EXT1: variants seen among roughly 807,000 people sequenced by gnomAD.
EXT1 encodes exostosin-1.
A neutral mutation model predicts 82.5 loss-of-function variants in EXT1; 20 were observed. The ratio of observed to expected loss-of-function variants is 0.24; its 90% CI spans 0.17 to 0.35. EXT1 has a LOEUF of 0.35. EXT1 is among the 10% of genes least tolerant of loss of function. The probability of loss-of-function intolerance (pLI) is 1.00; values close to 1 mark genes in which losing one functional copy is unlikely to be tolerated. For missense variants in EXT1, 757 were observed against 936.5 expected (o/e 0.81, Z 2.50); for synonymous variants, 348 against 350.8 (o/e 0.99, Z 0.09).
At chr8:117,969,709 G>GT (rs1234737129) in intron 1 of EXT1, among the ~76,000 whole-genome samples, 1 of 152,224 alleles carries the variant, frequency 6.6e-6, no homozygotes, top group Non-Finnish European at 1.5e-5. Flanking sequence ...GCGCACGCGT[G>GT]TATGTGCATG....
chr8:118,010,160 C>T (rs944483112), intron 1 of EXT1, among the ~76,000 whole-genome samples: 1 of 151,940 alleles, frequency 6.6e-6, no homozygotes, highest in Non-Finnish European at 1.5e-5. Context: ...ATCACGAGGT[C>T]AGGAGCTCGA....
intron 1 of EXT1, among the ~76,000 whole-genome samples, chr8:117,948,717 A>C (rs779067895): frequency 2.0e-5 from 3 of 152,244 alleles, no homozygotes; most frequent in Non-Finnish European, 4.4e-5. Flanking sequence ...ATAGCCAACA[A>C]TGGCTTGTAG....
intron 10 of EXT1, among the ~76,000 whole-genome samples, chr8:117,802,072 G>T (rs542471303): frequency 6.6e-6 from 1 of 152,258 alleles, no homozygotes; most frequent in Non-Finnish European, 1.5e-5. Context: ...TACTTTACCG[G>T]TCATACAAAC....
At chr8:118,037,002 T>G (rs1714106406) in intron 1 of EXT1, among the ~76,000 whole-genome samples, 1 of 152,140 alleles carries the variant, frequency 6.6e-6, no homozygotes, top group African/African-American at 2.4e-5. Context: ...AGGGCAGAAA[T>G]CTTAGAAACT....
chr8:117,980,423 T>C (rs1815165590), intron 1 of EXT1, among the ~76,000 whole-genome samples: 1 of 152,204 alleles, frequency 6.6e-6, no homozygotes, highest in Non-Finnish European at 1.5e-5. Context: ...CCCATTTCAC[T>C]TGGAAGGAGA....
Position 117,870,495 on chromosome 8 carries a change from G to GGGGTCTGATGTTGATCTTA in EXT1, c.963-33295_963-33294insTAAGATCAACATCAGACCC, listed in dbSNP as rs200917558. 1.6e-3 allele frequency among the ~76,000 whole-genome samples: 229 copies of GGGGTCTGATGTTGATCTTA among 144,964 alleles called. 3 individuals carry two copies. The highest frequency in any genetic ancestry group is 5.8e-3 in the African/African-American group (213 of 36,804). On this transcript the variant is annotated intron_variant, in intron 1 of 10. Coordinates refer to ENST00000378204, the MANE Select transcript of EXT1 (RefSeq NM_000127.3). Reference sequence around the variant, plus strand: ...GGGCATTAAGTAGAAGGAGCAAGGAGGGGTCTGATGTTGATCTTGGGTGCA... The same window carrying GGGGTCTGATGTTGATCTTA: ...GGGCATTAAGTAGAAGGAGCAAGGAGGGGTCTGATGTTGATCTTAGGGTCTGATGTTGATCTTGGGTGCA...
intron 1 of EXT1, among the ~76,000 whole-genome samples, chr8:118,031,098 C>A (rs1000096350): frequency 5.3e-5 from 8 of 152,140 alleles, no homozygotes; most frequent in Non-Finnish European, 1.2e-4. Flanking sequence ...ACAGCCTGTC[C>A]AGTCTAAACA....
At chr8:118,102,751 T>C (rs750789294) in intron 1 of EXT1, among the ~76,000 whole-genome samples, 3 of 152,236 alleles carry the variant, frequency 2.0e-5, no homozygotes, top group East Asian at 1.9e-4. Flanking sequence ...CTAACACTTA[T>C]AATAGAATTA....
chr8:117,961,820 G>C (rs992709296), intron 1 of EXT1, among the ~76,000 whole-genome samples: 2 of 152,158 alleles, frequency 1.3e-5, no homozygotes, highest in African/African-American at 4.8e-5. Flanking sequence ...CCTGCTGCTG[G>C]CCTGAAAAAC....
At chr8:117,905,185 G>T (rs1378045855) in intron 1 of EXT1, among the ~76,000 whole-genome samples, 1 of 152,154 alleles carries the variant, frequency 6.6e-6, no homozygotes, top group East Asian at 1.9e-4. Context: ...ATTCCAAGTG[G>T]GAGAGACCTA....
chr8:117,801,345 C>T (rs1186195989), intron 10 of EXT1, among the ~76,000 whole-genome samples: 1 of 152,120 alleles, frequency 6.6e-6, no homozygotes, highest in Non-Finnish European at 1.5e-5. Flanking sequence ...TAGAGAGGGG[C>T]AGAACTCAAG....
chr8:117,986,078 T>C (rs1395615183), intron 1 of EXT1, among the ~76,000 whole-genome samples: 1 of 152,220 alleles, frequency 6.6e-6, no homozygotes, highest in Non-Finnish European at 1.5e-5. Flanking sequence ...ATTCCTTTAA[T>C]AGAGTTACTA....
chr8:117,995,223 A>G (rs1563623990), intron 1 of EXT1, among the ~76,000 whole-genome samples: 1 of 151,904 alleles, frequency 6.6e-6, no homozygotes, highest in Non-Finnish European at 1.5e-5. Flanking sequence ...ATTCTAACCC[A>G]CTCTAGCTCA....
At chr8:118,057,928 C>A (rs952122038) in intron 1 of EXT1, among the ~76,000 whole-genome samples, 2 of 148,482 alleles carry the variant, frequency 1.3e-5, no homozygotes, top group African/African-American at 5.0e-5. Context: ...GCCAAGATTG[C>A]GCCACTGCAC....
At chr8:117,942,697 G>A (rs766095770) in intron 1 of EXT1, among the ~76,000 whole-genome samples, 2 of 152,076 alleles carry the variant, frequency 1.3e-5, no homozygotes, top group Non-Finnish European at 1.5e-5. Context: ...AGCAACAAGA[G>A]CGAAATTCGG....
At chr8:118,024,194 AC>A in intron 1 of EXT1, among the ~76,000 whole-genome samples, 1 of 152,248 alleles carries the variant, frequency 6.6e-6, no homozygotes, top group Non-Finnish European at 1.5e-5. Context: ...GAAAATGTAA[AC>A]CCTGTAAGCT....
rs540697269 is a variant in EXT1, at chr8:117,909,027, A to T, written c.963-71826T>A. ...CGCGCCTGTAATCCCAGCTACTCGGAAGGCTGAGGCAGGAGAATTGCTTGA... is the reference window on the plus strand; with the variant it reads ...CGCGCCTGTAATCCCAGCTACTCGGTAGGCTGAGGCAGGAGAATTGCTTGA... On this transcript the variant is annotated intron_variant, in intron 1 of 10. Transcript: ENST00000378204. Among the ~76,000 whole-genome samples, 709 of 151,000 alleles carry T rather than the reference A, an allele frequency of 4.7e-3. 6 individuals are homozygous for T. The highest frequency in any genetic ancestry group is 0.013 in the African/African-American group (537 of 41,150).
At chr8:117,968,337 C>T (rs1013918573) in intron 1 of EXT1, among the ~76,000 whole-genome samples, 5 of 151,940 alleles carry the variant, frequency 3.3e-5, no homozygotes, top group Admixed American at 2.0e-4. Flanking sequence ...ACAGGGTGGT[C>T]TTGAACTCCT....
intron 1 of EXT1, among the ~76,000 whole-genome samples, chr8:118,022,638 C>CAA: frequency 7.3e-6 from 1 of 137,660 alleles, no homozygotes. Flanking sequence ...ACGCCTGGCC[C>CAA]AAAAAAAAAA....
Sources: gnomAD v4.1 joint callset for allele counts (sites outside exome capture counted in the v4.1 genomes callset) on GRCh38, gnomAD v4.1.1 for gene constraint, MANE v1.5 for transcripts, NCBI Gene and HGNC (gene_info 2026-07-23, HGNC 2026-07-21) for gene names.